DIAPH2: variants seen among roughly 807,000 people sequenced by gnomAD.
DIAPH2 encodes the protein diaphanous related formin 2.
Under a neutral mutation model 92.7 loss-of-function variants are expected in DIAPH2, and 35 were observed. That is an observed-to-expected ratio of 0.38 (90% CI 0.29 to 0.50). The LOEUF (loss-of-function observed/expected upper bound fraction) is 0.50, where lower values mean the gene tolerates loss of function less well. Among genes scored for constraint, DIAPH2 ranks in the 20% least tolerant of loss-of-function variants. The pLI, the probability that DIAPH2 is intolerant of heterozygous loss-of-function variation, is 0.94. For synonymous variants in DIAPH2, 301 were observed against 280.4 expected (o/e 1.07, Z -0.73); for missense variants, 701 against 819.5 (o/e 0.86, Z 1.77).
chrX:96,759,454 G>A (rs1019768345), intron 4 of DIAPH2, among the ~76,000 whole-genome samples: 1 of 111,753 alleles, frequency 8.9e-6, no homozygotes, highest in African/African-American at 3.2e-5. Context: ...AGTGATAAGT[G>A]AAATTTGCCA....
intron 25 of DIAPH2, among the ~76,000 whole-genome samples, chrX:97,412,729 C>A (rs1466253844): frequency 8.9e-6 from 1 of 111,918 alleles, no homozygotes; most frequent in Non-Finnish European, 1.9e-5. Context: ...GGTATTACCA[C>A]TGATCCCACA....
At chrX:97,194,241 G>C (rs2067678670) in intron 22 of DIAPH2, among the ~76,000 whole-genome samples, 1 of 110,388 alleles carries the variant, frequency 9.1e-6, no homozygotes, top group Admixed American at 9.8e-5. Flanking sequence ...ATAATGGTAT[G>C]ATTCTTAGTA....
At position 97,141,669 on chromosome X, in the gene DIAPH2, G is replaced by A. The variant is rs367784674; in HGVS notation, c.2594G>A (p.Arg865Lys). 241 of 1,192,087 alleles carry A rather than the reference G, an allele frequency of 2.0e-4. No homozygotes were observed. Among genetic ancestry groups the A allele is most frequent in the Non-Finnish European group, 2.6e-4 (233 of 889,209 alleles). Residue 865 changes from arginine to lysine, a missense_variant, in exon 22 of 27, where the codon AGA becomes AAA. Around this residue, in one of 3 missense-constraint regions of DIAPH2, gnomAD observed 536 missense variants for 599.3 expected, o/e 0.89. Transcript: ENST00000324765. The part of the protein sequence containing the change: ...GFKINFLCKI[R>K]DTKSADQKTT... ...TGTGTTGTTGTTTTCTCCCAGATCA[G>A]AGATACTAAATCAGCGGATCAAAAA... is the stretch of plus-strand genomic sequence containing the variant.
chrX:97,400,260 G>C (rs967790269), intron 25 of DIAPH2, among the ~76,000 whole-genome samples: 1 of 112,221 alleles, frequency 8.9e-6, no homozygotes, highest in Admixed American at 9.5e-5. Context: ...CATATTATTA[G>C]ATAGATTCCA....
At chrX:97,404,033 A>G (rs2069784590) in intron 25 of DIAPH2, among the ~76,000 whole-genome samples, 1 of 109,547 alleles carries the variant, frequency 9.1e-6, no homozygotes, top group Non-Finnish European at 1.9e-5. Context: ...TTGTATTTTT[A>G]GTAGAGACAG....
intron 17 of DIAPH2, among the ~76,000 whole-genome samples, chrX:97,065,684 A>C (rs1308186130): frequency 9.0e-6 from 1 of 111,032 alleles, no homozygotes; most frequent in Non-Finnish European, 1.9e-5. Context: ...AAAAAAAAAA[A>C]GTTAACAGTA....
chrX:96,920,379 G>A (rs1159026976), intron 9 of DIAPH2, among the ~76,000 whole-genome samples: 2 of 111,564 alleles, frequency 1.8e-5, no homozygotes, highest in Admixed American at 1.9e-4. Flanking sequence ...ACTTCTCTTC[G>A]AAAGTTTGTT....
At chrX:97,070,354 A>G (rs1326133237) in intron 17 of DIAPH2, among the ~76,000 whole-genome samples, 1 of 111,941 alleles carries the variant, frequency 8.9e-6, no homozygotes, top group Non-Finnish European at 1.9e-5. Context: ...TCAAATAATT[A>G]TAGAATTGCT....
At chrX:97,069,107 C>T (rs192065768) in intron 17 of DIAPH2, among the ~76,000 whole-genome samples, 5 of 110,697 alleles carry the variant, frequency 4.5e-5, no homozygotes, top group African/African-American at 1.6e-4. Flanking sequence ...GGATTACAGG[C>T]GCCCACCACC....
intron 4 of DIAPH2, among the ~76,000 whole-genome samples, chrX:96,841,525 A>C (rs1440184431): frequency 9.0e-6 from 1 of 111,630 alleles, no homozygotes; most frequent in Non-Finnish European, 1.9e-5. Flanking sequence ...GTGCATCCAG[A>C]GTTGTCATTC....
At chrX:96,794,893 T>C (rs1406813467) in intron 4 of DIAPH2, among the ~76,000 whole-genome samples, 1 of 111,912 alleles carries the variant, frequency 8.9e-6, no homozygotes, top group Non-Finnish European at 1.9e-5. Context: ...ATCCAGAGAT[T>C]CCTTGGCTTC....
intron 25 of DIAPH2, among the ~76,000 whole-genome samples, chrX:97,389,452 C>T (rs1185964182): frequency 9.1e-5 from 8 of 87,632 alleles, no homozygotes; most frequent in Non-Finnish European, 1.3e-4. Context: ...GGCTACAGAG[C>T]GAGACTCTGT....
intron 22 of DIAPH2, among the ~76,000 whole-genome samples, chrX:97,145,324 T>TA (rs11282719): frequency 2.3e-3 from 243 of 107,533 alleles, no homozygotes; most frequent in Non-Finnish European, 3.3e-3. Context: ...GTAGTAGTAG[T>TA]GGTAGTAGTA....
chrX:96,772,666 A>G (rs1471183621), intron 4 of DIAPH2, among the ~76,000 whole-genome samples: 1 of 112,172 alleles, frequency 8.9e-6, no homozygotes, highest in African/African-American at 3.2e-5. Flanking sequence ...CATTAATTGC[A>G]TGTGCTTTTA....
intron 23 of DIAPH2, among the ~76,000 whole-genome samples, chrX:97,290,096 T>A (rs1046663094): frequency 1.3e-4 from 14 of 106,405 alleles, no homozygotes; most frequent in African/African-American, 3.4e-4. Context: ...TATATATATA[T>A]AATTAGATAT....
At chrX:97,081,191 T>C (rs1262888843) in intron 19 of DIAPH2, among the ~76,000 whole-genome samples, 1 of 112,148 alleles carries the variant, frequency 8.9e-6, no homozygotes, top group African/African-American at 3.2e-5. Context: ...GCTTTTGCAG[T>C]CTGAAAATTC....
At chrX:96,907,610 T>C (rs922662334) in intron 5 of DIAPH2, among the ~76,000 whole-genome samples, 1 of 112,122 alleles carries the variant, frequency 8.9e-6, no homozygotes, top group African/African-American at 3.2e-5. Context: ...TCAGTTTCTT[T>C]ACCTAGAAAC....
At chrX:97,064,844 C>T (rs1302720537) in intron 17 of DIAPH2, among the ~76,000 whole-genome samples, 2 of 111,019 alleles carry the variant, frequency 1.8e-5, no homozygotes, top group Non-Finnish European at 3.8e-5. Context: ...CTGTGAGTCT[C>T]CTAGTCTGAA....
At chrX:97,509,317 G>A (rs1178611186) in intron 26 of DIAPH2, among the ~76,000 whole-genome samples, 1 of 109,805 alleles carries the variant, frequency 9.1e-6, no homozygotes, top group Non-Finnish European at 1.9e-5. Flanking sequence ...AAAGTGCTGG[G>A]ATTACAGGCG....
Sources: gnomAD v4.1 joint callset for allele counts (sites outside exome capture counted in the v4.1 genomes callset) on GRCh38, gnomAD v4.1.1 for gene constraint, gnomAD v4.1.1 regional missense constraint, MANE v1.5 for transcripts, NCBI Gene and HGNC (gene_info 2026-07-23, HGNC 2026-07-21) for gene names.